The following PPP2R3B variants were observed in gnomAD, a reference collection of about 807,000 sequenced individuals.
PPP2R3B encodes serine/threonine-protein phosphatase 2A regulatory subunit B'' subunit beta.
A neutral mutation model predicts 72.9 loss-of-function variants in PPP2R3B; 68 were observed. The observed-to-expected ratio is 0.93, with a 90% CI of 0.77 to 1.14. The LOEUF is 1.14. PPP2R3B is among the 50% of genes most tolerant of loss of function. The pLI is 0.00. For missense variants in PPP2R3B, 1,018 were observed against 842.0 expected, an observed-to-expected ratio of 1.21 and a Z score of -2.59; for synonymous variants, 466 against 375.8, an observed-to-expected ratio of 1.24 and a Z score of -2.78.
intron 2 of PPP2R3B, among the ~76,000 whole-genome samples, chrX:351,658 G>A (rs1182997911): frequency 1.7e-4 from 19 of 109,484 alleles, no homozygotes; most frequent in Non-Finnish European, 1.9e-5. Flanking sequence ...TCTTGCTGTT[G>A]CCCAGGCTGG....
At chrX:365,217 C>G (rs1311582669) in intron 1 of PPP2R3B, among the ~76,000 whole-genome samples, 1 of 37,706 alleles carries the variant, frequency 2.7e-5, no homozygotes, top group Non-Finnish European at 5.0e-5. Context: ...TGTCTCAAAA[C>G]AAAACAAACG....
In PPP2R3B at chrX:346,261, C is replaced by G. The variant is rs1440047584; in HGVS notation, c.793-1G>C. The stretch of plus-strand genomic sequence containing the variant: ...CGGCGTAGAAGATCCGCTGGATGAC[C>G]TGCGGGGGCGCTGTCAGTGCGGTGG... On this transcript the variant is annotated splice_acceptor_variant, in intron 5 of 12. Coordinates refer to ENST00000390665, the MANE Select transcript of PPP2R3B (RefSeq NM_013239.5). LOFTEE classifies it high-confidence loss of function. 18 of 1,564,348 alleles carry G rather than the reference C, an allele frequency of 1.2e-5. No individual in the cohort carries two copies. Among genetic ancestry groups the G allele is most frequent in the Non-Finnish European group, 1.6e-5 (18 of 1,156,346 alleles).
rs749865200 is a variant in PPP2R3B at position 364,013 on chromosome X, C to G, written c.325-2423G>C. Among the ~76,000 whole-genome samples the G allele has an allele frequency of 1.0e-4, 16 of 152,384 alleles. No homozygotes were observed. The South Asian group carries it at 2.3e-3, about 22-fold the overall frequency. On this transcript the variant is annotated intron_variant, in intron 1 of 12. Transcript: ENST00000390665. ...AGGCTGGCAGGAAAGGAGGACACCTCAGGCCACAGCTGCCTGGAAGGAAGA... is the reference window on the plus strand; with the variant it reads ...AGGCTGGCAGGAAAGGAGGACACCTGAGGCCACAGCTGCCTGGAAGGAAGA...
rs1166871744 is a variant in PPP2R3B at position 386,788 on chromosome X, G to C, written c.-97C>G. The C allele has an allele frequency of 1.4e-6, 1 of 700,356 alleles. No individual in the cohort carries two copies. Among genetic ancestry groups the C allele is most frequent in the Non-Finnish European group, 1.9e-6 (1 of 529,238 alleles). The allele number at this position is 700,356 out of a possible 1,614,324, so 43.4% of individuals were successfully genotyped here. ...GGACCGACCTCGGTGATGCGAGCAC[G>C]GCCCGCTGAGGGGGCGCGGCGCAGG... is the stretch of plus-strand genomic sequence containing the variant. On this transcript the variant is annotated 5_prime_UTR_variant, in exon 1 of 13. Coordinates refer to ENST00000390665, the MANE Select transcript of PPP2R3B (RefSeq NM_013239.5).
At chrX:338,923 C>T (rs776755386) in intron 10 of PPP2R3B, 27 bp from the exon 11 acceptor site, 44 of 1,592,776 alleles carry the variant, frequency 2.8e-5, no homozygotes, top group Non-Finnish European at 3.4e-5. Flanking sequence ...GCGTCCAAGG[C>T]GCGTGAGCCC....
At chrX:373,383 G>A (rs972731007) in intron 1 of PPP2R3B, 13 of 152,236 alleles carry the variant, frequency 8.5e-5, no homozygotes, top group African/African-American at 2.7e-4. Context: ...AACTGGCCCT[G>A]TAAATCTGGC....
At chrX:345,848 A>G in intron 6 of PPP2R3B, 176 bp from the exon 7 acceptor site, 9 of 20,338 alleles carry the variant, frequency 4.4e-4, no homozygotes, top group Admixed American at 8.6e-4. Flanking sequence ...CGGTGGGGGG[A>G]GCTCCAGCAT....
intron 1 of PPP2R3B, among the ~76,000 whole-genome samples, chrX:385,047 A>T (rs1409812249): frequency 6.6e-6 from 1 of 150,724 alleles, no homozygotes; most frequent in Non-Finnish European, 1.5e-5. Flanking sequence ...CTCACCACGG[A>T]CTGGTTCTGG....
chrX:385,122 T>G (rs1237201433), intron 1 of PPP2R3B, among the ~76,000 whole-genome samples: 1 of 151,934 alleles, frequency 6.6e-6, no homozygotes, highest in Non-Finnish European at 1.5e-5. Context: ...ATAATGCATT[T>G]AAATGTTAAG....
At chrX:355,538 C>T (rs866568473) in intron 2 of PPP2R3B, among the ~76,000 whole-genome samples, 14 of 152,266 alleles carry the variant, frequency 9.2e-5, no homozygotes, top group Middle Eastern at 3.4e-3. Context: ...GGGAAGACAG[C>T]GTGCAGGTTC....
At chrX:347,113 C>T (rs1450373296) in intron 4 of PPP2R3B, 121 bp downstream of exon 4, 24 of 1,220,428 alleles carry the variant, frequency 2.0e-5, no homozygotes, top group Admixed American at 7.2e-5. Context: ...GGTGTAGACG[C>T]GGACCCTCCC....
intron 2 of PPP2R3B, among the ~76,000 whole-genome samples, chrX:357,688 C>G (rs756499900): frequency 4.1e-4 from 62 of 152,236 alleles, no homozygotes; most frequent in African/African-American, 1.4e-3. Context: ...TCAAAATAGT[C>G]TCCATAAATG....
At position 361,516 on chromosome X, in the gene PPP2R3B, T is replaced by A. The variant is rs754179182; in HGVS notation, c.399A>T (p.Gly133=). The change falls in exon 2 of 13, where the codon GGA becomes GGT. Residue 133 remains glycine (G), a synonymous_variant. Coordinates refer to ENST00000390665, the MANE Select transcript of PPP2R3B (RefSeq NM_013239.5). ...QSIPTFYFPR[G]RPQDSVNVDA... Reference sequence around the variant, plus strand: ...CCACGTTGACGGAGTCCTGCGGGCGTCCTCTGGGGAAGTAGAAGGTCGGAA... The same window carrying A: ...CCACGTTGACGGAGTCCTGCGGGCGACCTCTGGGGAAGTAGAAGGTCGGAA... 5 of 1,613,970 alleles carry A rather than the reference T, an allele frequency of 3.1e-6. No individual in the cohort carries two copies. Among genetic ancestry groups the A allele is most frequent in the South Asian group, 2.2e-5 (2 of 91,074 alleles).
chrX:386,762 C>G lies in PPP2R3B; in HGVS notation c.-71G>C, dbSNP rs1182910137. ...CCGCCCCGGGGGCTTCGGTCCGCCCCGGACCGACCTCGGTGATGCGAGCAC... is the reference window on the plus strand; with the variant it reads ...CCGCCCCGGGGGCTTCGGTCCGCCCGGGACCGACCTCGGTGATGCGAGCAC... On this transcript the variant is annotated 5_prime_UTR_variant, in exon 1 of 13. Transcript: ENST00000390665. The G allele has an allele frequency of 3.9e-6, 4 of 1,019,872 alleles. No homozygotes were observed. The highest frequency in any genetic ancestry group is 4.9e-6 in the Non-Finnish European group (4 of 813,176). 63.2% of individuals were successfully genotyped at this position (1,019,872 alleles called of 1,614,324 possible).
Position 386,711 on chromosome X carries a change from G to A in PPP2R3B, c.-20C>T. The A allele has an allele frequency of 8.0e-7, 1 of 1,249,076 alleles. No individual in the cohort carries two copies. Among genetic ancestry groups the A allele is most frequent in the Non-Finnish European group, 1.0e-6 (1 of 1,000,612 alleles). 77.4% of individuals were successfully genotyped at this position (1,249,076 alleles called of 1,614,324 possible). On this transcript the variant is annotated 5_prime_UTR_variant, in exon 1 of 13. Coordinates refer to ENST00000390665, the MANE Select transcript of PPP2R3B (RefSeq NM_013239.5). The stretch of plus-strand genomic sequence containing the variant: ...CGGCATGGCGGGGGCTGGGCCCGCG[G>A]CGCCCCCGGACGCCCGCGCCCCGCC...
intron 2 of PPP2R3B, among the ~76,000 whole-genome samples, chrX:358,256 G>A (rs1420467557): frequency 6.6e-6 from 1 of 152,240 alleles, no homozygotes; most frequent in Non-Finnish European, 1.5e-5. Flanking sequence ...AGGCTCAGCA[G>A]CCTTGGCGGG....
At chrX:369,653 C>T (rs1157325304) in intron 1 of PPP2R3B, among the ~76,000 whole-genome samples, 23 of 152,306 alleles carry the variant, frequency 1.5e-4, no homozygotes, top group Admixed American at 3.9e-4. Flanking sequence ...ACACCAGCCT[C>T]GGGCAGACCC....
intron 1 of PPP2R3B, among the ~76,000 whole-genome samples, chrX:366,898 C>G (rs867015134): frequency 1.4e-4 from 20 of 145,704 alleles, no homozygotes; most frequent in South Asian, 6.4e-4. Context: ...TGTGGTGGCG[C>G]ATGCCTGTAA....
chrX:355,600 C>T (rs1366337373), intron 2 of PPP2R3B, among the ~76,000 whole-genome samples: 9 of 152,322 alleles, frequency 5.9e-5, no homozygotes, highest in Non-Finnish European at 7.3e-5. Context: ...CCACGCGATC[C>T]GGCCCTCCAC....
Sources: gnomAD v4.1 joint callset for allele counts (sites outside exome capture counted in the v4.1 genomes callset) on GRCh38, gnomAD v4.1.1 for gene constraint, MANE v1.5 for transcripts, NCBI Gene and HGNC (gene_info 2026-07-23, HGNC 2026-07-21) for gene names.